Variants in SLC5A4 observed in about 807,000 individuals in gnomAD.
SLC5A4 encodes probable glucose sensor protein SLC5A4.
In SLC5A4, 55 loss-of-function variants were observed where a neutral mutation model predicts 70.3. That is an observed-to-expected ratio of 0.78 (90% CI 0.63 to 0.98). The LOEUF is 0.98. Ranked by LOEUF, SLC5A4 falls within the 50% of genes least tolerant of loss-of-function variation. SLC5A4 has a pLI of 0.00. For missense variants in SLC5A4, 735 were observed against 839.2 expected (o/e 0.88, Z 1.53); for synonymous variants, 268 against 305.7 (o/e 0.88, Z 1.29).
the SLC5A4 span, among the ~76,000 whole-genome samples, chr22:32,349,234 A>C: frequency 6.6e-6 from 1 of 151,432 alleles, no homozygotes; most frequent in Non-Finnish European, 1.5e-5. Context: ...TGGCCTCCCA[A>C]GGTGCTGGGA....
At chr22:32,307,603 A>C in the SLC5A4 span, among the ~76,000 whole-genome samples, 1 of 152,160 alleles carries the variant, frequency 6.6e-6, no homozygotes, top group East Asian at 1.9e-4. Flanking sequence ...AGCTCGCCTG[A>C]CTGCTTAACA....
chr22:32,337,651 T>G, the SLC5A4 span, among the ~76,000 whole-genome samples: 1 of 152,288 alleles, frequency 6.6e-6, no homozygotes, highest in South Asian at 2.1e-4. Context: ...TGAACACTTA[T>G]GCACAGGGGC....
chr22:32,251,827 C>A lies in SLC5A4; in HGVS notation c.255G>T (p.Val85=). Reference sequence around the variant, plus strand: ...AAGCTGCTCCTGTCCCAGCCAGCCCCACATAGTGGTTGCTGCCGATGTTAC... The same window carrying A: ...AAGCTGCTCCTGTCCCAGCCAGCCCAACATAGTGGTTGCTGCCGATGTTAC... ...FASNIGSNHY[V]GLAGTGAASG... Residue 85 remains valine (V), a synonymous_variant, in exon 3 of 15, where the codon GTG becomes GTT. Transcript: ENST00000266086. 6.2e-7 allele frequency: 1 copy of A among 1,614,102 alleles called. No individual in the cohort carries two copies. Among genetic ancestry groups the A allele is most frequent in the Non-Finnish European group, 8.5e-7 (1 of 1,179,958 alleles).
At chr22:32,303,034 TTTTTC>T in the SLC5A4 span, among the ~76,000 whole-genome samples, 35 of 148,600 alleles carry the variant, frequency 2.4e-4, no homozygotes, top group East Asian at 9.6e-4. Context: ...TTACTTATTT[TTTTTC>T]TTTTTTTAAG....
chr22:32,339,521 C>T, the SLC5A4 span, among the ~76,000 whole-genome samples: 1 of 152,156 alleles, frequency 6.6e-6, no homozygotes, highest in Non-Finnish European at 1.5e-5. Flanking sequence ...AGGTGTTCGA[C>T]GTAAACTCAT....
At chr22:32,313,440 C>A in the SLC5A4 span, among the ~76,000 whole-genome samples, 2 of 152,060 alleles carry the variant, frequency 1.3e-5, no homozygotes, top group Non-Finnish European at 2.9e-5. Context: ...CTGACAAAAA[C>A]GATCCTGTAT....
intron 3 of SLC5A4, among the ~76,000 whole-genome samples, chr22:32,249,564 CA>C (rs1166666835): frequency 6.6e-6 from 1 of 152,168 alleles, no homozygotes; most frequent in Non-Finnish European, 1.5e-5. Flanking sequence ...AATGTAGGGG[CA>C]AAATCTTCAG....
the SLC5A4 span, among the ~76,000 whole-genome samples, chr22:32,263,678 A>G: frequency 3.0e-4 from 46 of 152,320 alleles, no homozygotes; most frequent in Non-Finnish European, 4.9e-4. Context: ...ATACTATTTG[A>G]CCCAGCAATC....
the SLC5A4 span, among the ~76,000 whole-genome samples, chr22:32,303,022 G>GTT: frequency 1.8e-3 from 272 of 150,024 alleles, no homozygotes; most frequent in African/African-American, 6.3e-3. Flanking sequence ...AAAATAATTT[G>GTT]TTTACTTATT....
chr22:32,255,363 G>A, upstream of SLC5A4: 5 of 1,606,052 alleles, frequency 3.1e-6, no homozygotes, highest in Non-Finnish European at 3.4e-6. Flanking sequence ...TTCCACGCAT[G>A]AGCCATCTTT....
the SLC5A4 span, among the ~76,000 whole-genome samples, chr22:32,279,039 G>A: frequency 6.6e-6 from 1 of 152,224 alleles, no homozygotes; most frequent in Non-Finnish European, 1.5e-5. Flanking sequence ...CACTTTGGGA[G>A]GCCGAGGCGA....
Position 32,224,495 on chromosome 22 carries a change from C to A in SLC5A4, c.1450-13G>T. 1 of 1,590,708 alleles carries A rather than the reference C, an allele frequency of 6.3e-7. No individual in the cohort carries two copies. Among genetic ancestry groups the A allele is most frequent in the Non-Finnish European group, 8.6e-7 (1 of 1,159,146 alleles). ...CCCAGAATGCTCCCTGCAAAAGAAGCAAGAAGAAAATCAGAATGTTTAGAA... is the reference window on the plus strand; with the variant it reads ...CCCAGAATGCTCCCTGCAAAAGAAGAAAGAAGAAAATCAGAATGTTTAGAA... On this transcript the variant is annotated splice_polypyrimidine_tract_variant and intron_variant, in intron 12 of 14. Transcript: ENST00000266086.
At chr22:32,291,707 G>A in the SLC5A4 span, among the ~76,000 whole-genome samples, 1 of 151,918 alleles carries the variant, frequency 6.6e-6, no homozygotes, top group Admixed American at 6.6e-5. Flanking sequence ...GTTTTAATAT[G>A]TAACAATTCC....
At position 32,235,102 on chromosome 22, in the gene SLC5A4, G is replaced by T. The variant is rs756555909; in HGVS notation, c.665-9C>A. On this transcript the variant is annotated splice_polypyrimidine_tract_variant and intron_variant, in intron 7 of 14. Transcript: ENST00000266086. ...TCCAACTTCGTTAAATGCTAAAAAG[G>T]CATCAGAGTAAAATGAGATGTCTTA... 1.9e-6 allele frequency: 3 copies of T among 1,590,890 alleles called. No homozygotes were observed. Among genetic ancestry groups the T allele is most frequent in the African/African-American group, 2.7e-5 (2 of 74,218 alleles).
the SLC5A4 span, among the ~76,000 whole-genome samples, chr22:32,334,353 A>G: frequency 1.3e-5 from 2 of 151,904 alleles, no homozygotes; most frequent in African/African-American, 4.8e-5. Flanking sequence ...CAGCAGCAAC[A>G]CCACGTGTCT....
At chr22:32,342,408 G>C in the SLC5A4 span, among the ~76,000 whole-genome samples, 3 of 152,058 alleles carry the variant, frequency 2.0e-5, no homozygotes, top group Non-Finnish European at 2.9e-5. Flanking sequence ...TAATCTATGT[G>C]AATGAGACCT....
chr22:32,218,577 T>G lies in SLC5A4; in HGVS notation c.1917A>C (p.Ile639=), dbSNP rs1555984491. The change falls in exon 15 of 15, where the codon ATA becomes ATC. Residue 639 remains isoleucine (I), a synonymous_variant. Coordinates refer to ENST00000266086, the MANE Select transcript of SLC5A4 (RefSeq NM_014227.3). ...GGAGGAGGATGGCGTTGATGTTCACTATTGTCCTCCACGAGGGCCTCTCAG... is the reference window on the plus strand; with the variant it reads ...GGAGGAGGATGGCGTTGATGTTCACGATTGTCCTCCACGAGGGCCTCTCAG... ...DTSERPSWRT[I]VNINAILLLA... 1 of 1,614,052 alleles carries G rather than the reference T, an allele frequency of 6.2e-7. No individual in the cohort carries two copies. Among genetic ancestry groups the G allele is most frequent in the East Asian group, 2.2e-5 (1 of 44,886 alleles).
At chr22:32,309,038 A>G in the SLC5A4 span, among the ~76,000 whole-genome samples, 1 of 152,036 alleles carries the variant, frequency 6.6e-6, no homozygotes, top group Admixed American at 6.5e-5. Flanking sequence ...TCCTGTGTTC[A>G]TGTTATGCTA....
chr22:32,255,930 C>G (rs977200970), upstream of SLC5A4, among the ~76,000 whole-genome samples: 2 of 152,048 alleles, frequency 1.3e-5, no homozygotes, highest in African/African-American at 4.8e-5. Context: ...AGCGCTGGGT[C>G]AGAGGGTTGT....
Sources: gnomAD v4.1 joint callset for allele counts (sites outside exome capture counted in the v4.1 genomes callset) on GRCh38, gnomAD v4.1.1 for gene constraint, MANE v1.5 for transcripts, NCBI Gene and HGNC (gene_info 2026-07-23, HGNC 2026-07-21) for gene names.